Variants in C6orf62 observed in about 807,000 individuals in gnomAD.
The protein encoded by C6orf62 is chromosome 6 open reading frame 62.
Under a neutral mutation model 26.8 loss-of-function variants are expected in C6orf62, and 16 were observed. That is an observed-to-expected ratio of 0.60 (90% CI 0.40 to 0.91). C6orf62 has a LOEUF of 0.91. Ranked by LOEUF, C6orf62 falls within the 40% of genes least tolerant of loss-of-function variation. The probability of loss-of-function intolerance (pLI) is 0.00; values close to 1 mark genes in which losing one functional copy is unlikely to be tolerated. For synonymous variants in C6orf62, 112 were observed against 91.5 expected (o/e 1.22, Z -1.28); for missense variants, 192 against 271.4 (o/e 0.71, Z 2.06).
chr6:24,713,400 C>A (rs997941523), intron 3 of C6orf62, among the ~76,000 whole-genome samples: 1 of 151,962 alleles, frequency 6.6e-6, no homozygotes, highest in Non-Finnish European at 1.5e-5. Flanking sequence ...TACCATGGGG[C>A]GGGAGAGTAT....
Position 24,705,870 on chromosome 6 carries a change from A to G in C6orf62, c.*267T>C, listed in dbSNP as rs908617049. ...CATTTCAGTGTACAATAGTCCTTTC[A>G]TTTCACATTTTTAGTAAGATACTGA... On this transcript the variant is annotated 3_prime_UTR_variant, in exon 5 of 5. Coordinates refer to ENST00000378119, the MANE Select transcript of C6orf62 (RefSeq NM_030939.5). 5 of 326,540 alleles carry G rather than the reference A, an allele frequency of 1.5e-5. No homozygotes were observed. The highest frequency in any genetic ancestry group is 2.8e-5 in the Non-Finnish European group (5 of 178,634). 20.2% of individuals were successfully genotyped at this position (326,540 alleles called of 1,614,324 possible). A position where few individuals can be genotyped will look rare whatever the true frequency, so the allele number is the denominator to read the frequency against.
chr6:24,718,387 G>A (rs28613913), intron 1 of C6orf62, among the ~76,000 whole-genome samples, 153 bp downstream of exon 1: 5,882 of 152,136 alleles, frequency 0.039, 148 homozygotes, highest in East Asian at 0.073. Flanking sequence ...TCAATTCACA[G>A]AATCACCCCT....
At chr6:24,712,295 C>G (rs539718533) in intron 3 of C6orf62, among the ~76,000 whole-genome samples, 1 of 152,030 alleles carries the variant, frequency 6.6e-6, no homozygotes. Flanking sequence ...GGCACAAGAA[C>G]GGCTCAAACC....
At chr6:24,708,045 C>G (rs2127632338) in intron 4 of C6orf62, among the ~76,000 whole-genome samples, 1 of 151,234 alleles carries the variant, frequency 6.6e-6, no homozygotes, top group African/African-American at 2.4e-5. Context: ...CTTCTGGAAA[C>G]AAAGTGTGTT....
Position 24,705,929 on chromosome 6 carries a change from C to T in C6orf62, c.*208G>A. 1 of 597,520 alleles carries T rather than the reference C, an allele frequency of 1.7e-6. No homozygotes were observed. Among genetic ancestry groups the T allele is most frequent in the Non-Finnish European group, 2.6e-6 (1 of 377,968 alleles). 37.0% of individuals were successfully genotyped at this position (597,520 alleles called of 1,614,324 possible). ...AGCAAATATGCAAAGCATCTTCTTT[C>T]ACACAGTCCGTGCACGACATCTAAT... On this transcript the variant is annotated 3_prime_UTR_variant, in exon 5 of 5. Transcript: ENST00000378119.
Position 24,708,858 on chromosome 6 carries a change from C to T in C6orf62, c.483G>A (p.Leu161=). 1.9e-6 allele frequency: 3 copies of T among 1,614,162 alleles called. No homozygotes were observed. The highest frequency in any genetic ancestry group is 2.5e-6 in the Non-Finnish European group (3 of 1,180,044). Residue 161 remains leucine, a synonymous_variant, in exon 4 of 5, where the codon CTG becomes CTA. Transcript: ENST00000378119. Reference sequence around the variant, plus strand: ...CGATTCCAGTCTTGTCCTTGCGGCTCAGTACATGCAGAAACTGTTTTTCAT... The same window carrying T: ...CGATTCCAGTCTTGTCCTTGCGGCTTAGTACATGCAGAAACTGTTTTTCAT... ...GDYEKQFLHV[L]SRKDKTGIVV... is the part of the protein sequence containing the mutation.
upstream of C6orf62, chr6:24,720,326 G>C (rs927437232): frequency 1.1e-5 from 14 of 1,279,678 alleles, no homozygotes; most frequent in Non-Finnish European, 1.3e-5. Context: ...ACGGGCAGGA[G>C]CCATGTCAAG....
intron 3 of C6orf62, among the ~76,000 whole-genome samples, chr6:24,714,042 C>A (rs536808861): frequency 1.3e-5 from 2 of 152,350 alleles, no homozygotes; most frequent in Non-Finnish European, 2.9e-5. Context: ...AGAAGCTCAT[C>A]TGTGGGCCCC....
intron 3 of C6orf62, among the ~76,000 whole-genome samples, chr6:24,713,585 A>C (rs1340958259): frequency 1.3e-5 from 2 of 152,216 alleles, no homozygotes; most frequent in East Asian, 3.8e-4. Context: ...TTTTCTGATT[A>C]TAAAAGTATA....
intron 1 of C6orf62, among the ~76,000 whole-genome samples, chr6:24,717,716 G>C (rs1024561068): frequency 6.6e-6 from 1 of 152,220 alleles, no homozygotes; most frequent in Non-Finnish European, 1.5e-5. Flanking sequence ...TTGTATTTCT[G>C]ATCTGAAATT....
In C6orf62 at chr6:24,708,881, CAT is replaced by C. The variant is rs1779066804; in HGVS notation, c.458_459del (p.Tyr153Ter). ...CTCAGTACATGCAGAAACTGTTTTT[CAT>C]AGTCACCATGATGAAACTCAAATTT... ...QAKFEFHHGD[Y>X]EKQFLHVLSR... On this transcript the variant is annotated frameshift_variant, in exon 4 of 5. Transcript: ENST00000378119. 4 of 1,614,012 alleles carry C rather than the reference CAT, an allele frequency of 2.5e-6. No individual in the cohort carries two copies. Among genetic ancestry groups the C allele is most frequent in the Non-Finnish European group, 3.4e-6 (4 of 1,180,036 alleles).
rs1467489134 is a variant in C6orf62 at position 24,704,989 on chromosome 6, T to C, written c.*1148A>G. The C allele has an allele frequency of 1.3e-5, 2 of 152,296 alleles. No homozygotes were observed. The highest frequency in any genetic ancestry group is 3.9e-4 in the East Asian group (2 of 5,192). The allele number at this position is 152,296 out of a possible 1,614,324, so 9.4% of individuals were successfully genotyped here. Reference sequence around the variant, plus strand: ...AATTGGAAACTGGTAAGCACTAGTTTTACTCCAAAGGAGTAGGATCATTCA... The same window carrying C: ...AATTGGAAACTGGTAAGCACTAGTTCTACTCCAAAGGAGTAGGATCATTCA... On this transcript the variant is annotated 3_prime_UTR_variant, in exon 5 of 5. Coordinates refer to ENST00000378119, the MANE Select transcript of C6orf62 (RefSeq NM_030939.5).
chr6:24,719,013 A>C lies in C6orf62; in HGVS notation c.-345T>G, dbSNP rs1779296911. On this transcript the variant is annotated 5_prime_UTR_variant, in exon 1 of 5. In the 5' UTR this introduces an upstream ATG that the reference lacks. Transcript: ENST00000378119. Reference sequence around the variant, plus strand: ...TGCCAAAATAAAGGCTTTGCGGAGAAATGAAAAGCCTATAATCAGGATTTA... The same window carrying C: ...TGCCAAAATAAAGGCTTTGCGGAGACATGAAAAGCCTATAATCAGGATTTA... The C allele has an allele frequency of 6.2e-6, 7 of 1,120,348 alleles. No homozygotes were observed. The South Asian group carries it at 1.5e-4, about 24-fold the overall frequency. The allele number at this position is 1,120,348 out of a possible 1,614,324, so 69.4% of individuals were successfully genotyped here. A position where few individuals can be genotyped will look rare whatever the true frequency, so the allele number is the denominator to read the frequency against.
chr6:24,706,366 G>GT, intron 4 of C6orf62, 104 bp from the exon 5 acceptor site: 1 of 1,477,228 alleles, frequency 6.8e-7, no homozygotes, highest in Non-Finnish European at 9.1e-7. Context: ...AACATACAGA[G>GT]TAAGGGACAA....
At position 24,705,399 on chromosome 6, in the gene C6orf62, TTTTATAGCTGC is replaced by T. The variant is rs1778988070; in HGVS notation, c.*727_*737del. ...TTCTGCAGCTATGCATGTATTTCTG[TTTTATAGCTGC>T]TTTATAGCTACTTCAGACTCCAGAT... On this transcript the variant is annotated 3_prime_UTR_variant, in exon 5 of 5. Coordinates refer to ENST00000378119, the MANE Select transcript of C6orf62 (RefSeq NM_030939.5). 6.6e-6 allele frequency: 1 copy of T among 152,654 alleles called. No homozygotes were observed. Among genetic ancestry groups the T allele is most frequent in the Non-Finnish European group, 1.5e-5 (1 of 68,040 alleles). 9.5% of individuals were successfully genotyped at this position (152,654 alleles called of 1,614,324 possible).
In C6orf62 at chr6:24,705,923, TTC is replaced by T; in HGVS notation, c.*212_*213del. 1 of 555,402 alleles carries T rather than the reference TTC, an allele frequency of 1.8e-6. No individual in the cohort carries two copies. The highest frequency in any genetic ancestry group is 3.3e-5 in the South Asian group (1 of 29,868). 34.4% of individuals were successfully genotyped at this position (555,402 alleles called of 1,614,324 possible). On this transcript the variant is annotated 3_prime_UTR_variant, in exon 5 of 5. Coordinates refer to ENST00000378119, the MANE Select transcript of C6orf62 (RefSeq NM_030939.5). ...CAGTGCAGCAAATATGCAAAGCATCTTCTTTCACACAGTCCGTGCACGACATC... is the reference window on the plus strand; with the variant it reads ...CAGTGCAGCAAATATGCAAAGCATCTTTTCACACAGTCCGTGCACGACATC...
chr6:24,707,313 A>G (rs1421875398), intron 4 of C6orf62, among the ~76,000 whole-genome samples: 2 of 151,960 alleles, frequency 1.3e-5, no homozygotes, highest in Non-Finnish European at 2.9e-5. Flanking sequence ...CTAAATTGCA[A>G]TACTTGGATT....
chr6:24,714,239 G>A (rs1166281849), intron 3 of C6orf62, 79 bp downstream of exon 3: 10 of 1,125,172 alleles, frequency 8.9e-6, no homozygotes, highest in Non-Finnish European at 8.6e-6. Flanking sequence ...TTTTCCCAAA[G>A]AATTTCTCAA....
chr6:24,710,142 A>G, intron 3 of C6orf62: 1 of 985,212 alleles, frequency 1.0e-6, no homozygotes, highest in Non-Finnish European at 1.2e-6. Flanking sequence ...AACAATAGGA[A>G]TAAGGTTACT....
Sources: gnomAD v4.1 joint callset for allele counts (sites outside exome capture counted in the v4.1 genomes callset) on GRCh38, gnomAD v4.1.1 for gene constraint, MANE v1.5 for transcripts, NCBI Gene and HGNC (gene_info 2026-07-23, HGNC 2026-07-21) for gene names.